MAGI1: variants seen among roughly 807,000 people sequenced by gnomAD.
MAGI1 encodes membrane associated guanylate kinase, WW and PDZ domain containing 1.
A neutral mutation model predicts 139.9 loss-of-function variants in MAGI1; 58 were observed. That is an observed-to-expected ratio of 0.41 (90% confidence interval 0.34 to 0.52). The LOEUF (loss-of-function observed/expected upper bound fraction) is 0.52, where lower values mean the gene tolerates loss of function less well. MAGI1 is among the 20% of genes least tolerant of loss of function. The pLI is 0.12. For missense variants in MAGI1, 1,874 were observed against 1,901.6 expected (o/e 0.99, Z 0.27); for synonymous variants, 812 against 737.9 (o/e 1.10, Z -1.63).
intron 6 of MAGI1, 111 bp downstream of exon 6, chr3:65,453,147 C>CT (rs1949144074): frequency 1.1e-6 from 1 of 888,752 alleles, no homozygotes; most frequent in African/African-American, 1.7e-5. Flanking sequence ...ATTGGATTAC[C>CT]TTTTAAAAAC....
intron 1 of MAGI1, among the ~76,000 whole-genome samples, chr3:65,748,636 T>C (rs1260278732): frequency 6.6e-6 from 1 of 152,220 alleles, no homozygotes; most frequent in South Asian, 2.1e-4. Flanking sequence ...CCACATCTGA[T>C]GTCAAGGAGC....
chr3:65,802,227 T>A (rs2040559773), intron 1 of MAGI1, among the ~76,000 whole-genome samples: 1 of 152,158 alleles, frequency 6.6e-6, no homozygotes, highest in Admixed American at 6.6e-5. Flanking sequence ...GCATTTGAGG[T>A]ACAATTCTGC....
chr3:65,411,414 T>C (rs560459700), intron 12 of MAGI1, among the ~76,000 whole-genome samples: 158 of 152,300 alleles, frequency 1.0e-3, no homozygotes, highest in African/African-American at 3.7e-3. Context: ...CTCCCTAAGA[T>C]AGGTGAAACT....
intron 14 of MAGI1, among the ~76,000 whole-genome samples, chr3:65,390,750 T>C (rs1467087944): frequency 2.0e-5 from 3 of 152,224 alleles, no homozygotes; most frequent in African/African-American, 7.2e-5. Context: ...ATTTAATTTC[T>C]TCTCATTAGC....
intron 13 of MAGI1, among the ~76,000 whole-genome samples, chr3:65,394,779 A>G (rs1429987332): frequency 6.6e-6 from 1 of 152,146 alleles, no homozygotes; most frequent in African/African-American, 2.4e-5. Context: ...CCATGTTTAT[A>G]TATCTCCCAA....
intron 2 of MAGI1, among the ~76,000 whole-genome samples, chr3:65,521,664 T>C (rs569564533): frequency 2.8e-5 from 4 of 145,268 alleles, no homozygotes; most frequent in Non-Finnish European, 6.1e-5. Context: ...TCTTGGGTGG[T>C]TGTTACATGG....
At chr3:65,847,758 T>C (rs934531086) in intron 1 of MAGI1, among the ~76,000 whole-genome samples, 4 of 152,226 alleles carry the variant, frequency 2.6e-5, no homozygotes, top group Non-Finnish European at 5.9e-5. Context: ...AATGTGCTTT[T>C]GATGATGAAA....
intron 5 of MAGI1, among the ~76,000 whole-genome samples, chr3:65,463,152 G>C (rs552994268): frequency 6.6e-6 from 1 of 151,378 alleles, no homozygotes; most frequent in Non-Finnish European, 1.5e-5. Flanking sequence ...ACTTCCAGGT[G>C]GTAAGAGAGG....
chr3:65,931,319 C>T (rs957829059), intron 1 of MAGI1, among the ~76,000 whole-genome samples: 2 of 152,178 alleles, frequency 1.3e-5, no homozygotes, highest in African/African-American at 4.8e-5. Context: ...AGGCATGAGC[C>T]ACCGCACCCG....
At chr3:65,381,812 G>GA in intron 16 of MAGI1, 65 bp downstream of exon 16, 1 of 1,403,314 alleles carries the variant, frequency 7.1e-7, no homozygotes, top group Non-Finnish European at 9.7e-7. Context: ...GCAGACACAG[G>GA]AAGGAGGCCT....
At chr3:65,690,472 C>CT (rs2088487660) in intron 1 of MAGI1, among the ~76,000 whole-genome samples, 1 of 151,862 alleles carries the variant, frequency 6.6e-6, no homozygotes, top group South Asian at 2.1e-4. Context: ...ATATACAACT[C>CT]TTTTTTCTTT....
intron 19 of MAGI1, 32 bp downstream of exon 19, chr3:65,364,821 C>T: frequency 6.2e-7 from 1 of 1,611,756 alleles, no homozygotes; most frequent in South Asian, 1.1e-5. Flanking sequence ...TACTTTTTTC[C>T]CCTTTAACAA....
At chr3:65,422,708 G>A (rs1273720094) in intron 12 of MAGI1, among the ~76,000 whole-genome samples, 3 of 152,086 alleles carry the variant, frequency 2.0e-5, no homozygotes, top group Non-Finnish European at 4.4e-5. Context: ...CAGTGATCGT[G>A]GGAGATGCTG....
intron 2 of MAGI1, among the ~76,000 whole-genome samples, chr3:65,508,918 C>G (rs1427285689): frequency 2.0e-5 from 3 of 152,202 alleles, no homozygotes; most frequent in Non-Finnish European, 4.4e-5. Context: ...AAAGAGAGGG[C>G]AGAGGCAATC....
At chr3:65,754,379 G>A (rs548834093) in intron 1 of MAGI1, among the ~76,000 whole-genome samples, 2 of 152,190 alleles carry the variant, frequency 1.3e-5, no homozygotes, top group South Asian at 4.2e-4. Context: ...ATCTATCAAG[G>A]ACTTATAGGG....
intron 1 of MAGI1, among the ~76,000 whole-genome samples, chr3:65,935,422 C>A (rs2063003170): frequency 1.3e-5 from 2 of 152,108 alleles, no homozygotes; most frequent in South Asian, 4.1e-4. Flanking sequence ...AGTTCATGAT[C>A]AGCCTGGGCA....
intron 1 of MAGI1, among the ~76,000 whole-genome samples, chr3:65,646,842 G>C (rs140134408): frequency 1.3e-5 from 2 of 151,688 alleles, no homozygotes; most frequent in African/African-American, 4.8e-5. Flanking sequence ...AATACACATC[G>C]ACATAAATAA....
intron 1 of MAGI1, among the ~76,000 whole-genome samples, chr3:65,756,026 C>T (rs1228646617): frequency 2.6e-5 from 4 of 152,158 alleles, no homozygotes; most frequent in East Asian, 3.9e-4. Flanking sequence ...TCAACTTTCA[C>T]AATGAAAGAT....
At chr3:65,824,706 T>A (rs1056642709) in intron 1 of MAGI1, among the ~76,000 whole-genome samples, 3 of 152,174 alleles carry the variant, frequency 2.0e-5, no homozygotes, top group Non-Finnish European at 4.4e-5. Context: ...ACCTTCTACA[T>A]CTAATGCAGC....
Sources: allele counts gnomAD v4.1 joint callset (sites outside exome capture counted in the v4.1 genomes callset), GRCh38; gene constraint gnomAD v4.1.1; transcripts MANE v1.5; gene names NCBI Gene and HGNC (gene_info 2026-07-23, HGNC 2026-07-21).